CCSER1: variants seen among roughly 807,000 people sequenced by gnomAD.
CCSER1 encodes coiled-coil serine rich protein 1, also known as serine-rich coiled-coil domain-containing protein 1.
In CCSER1, 41 loss-of-function variants were observed where a neutral mutation model predicts 82.0. The observed-to-expected ratio is 0.50, with a 90% confidence interval of 0.39 to 0.65. The LOEUF (loss-of-function observed/expected upper bound fraction) is 0.65. Among genes scored for constraint, CCSER1 ranks in the 30% least tolerant of loss-of-function variants. The pLI, the probability that CCSER1 is intolerant of heterozygous loss-of-function variation, is 0.00. For synonymous variants in CCSER1, 414 were observed against 383.9 expected, an observed-to-expected ratio of 1.08 and a Z score of -0.92; for missense variants, 1,119 against 1,064.2, an observed-to-expected ratio of 1.05 and a Z score of -0.72.
chr4:91,254,345 A>G (rs749466603), intron 10 of CCSER1, among the ~76,000 whole-genome samples: 2 of 152,192 alleles, frequency 1.3e-5, no homozygotes, highest in African/African-American at 2.4e-5. Context: ...TGGTGTATAT[A>G]TGTATACGAT....
intron 1 of CCSER1, among the ~76,000 whole-genome samples, chr4:90,201,002 C>T (rs917167845): frequency 2.6e-5 from 4 of 152,126 alleles, no homozygotes; most frequent in African/African-American, 9.6e-5. Context: ...AAGAGACACT[C>T]CAGAAAGCTT....
intron 10 of CCSER1, among the ~76,000 whole-genome samples, chr4:91,586,791 A>G (rs1764017823): frequency 6.6e-6 from 1 of 151,566 alleles, no homozygotes; most frequent in African/African-American, 2.4e-5. Flanking sequence ...AAGATACGAT[A>G]TTGTTGTTTT....
chr4:91,433,104 T>C (rs1218006950), intron 10 of CCSER1, among the ~76,000 whole-genome samples: 2 of 152,200 alleles, frequency 1.3e-5, no homozygotes, highest in Non-Finnish European at 2.9e-5. Flanking sequence ...ATTATATTGA[T>C]TACCAGTTAT....
intron 10 of CCSER1, among the ~76,000 whole-genome samples, chr4:91,481,387 C>A (rs1221704944): frequency 6.6e-6 from 1 of 151,938 alleles, no homozygotes; most frequent in Non-Finnish European, 1.5e-5. Flanking sequence ...TCTGTAGTTG[C>A]GCATACTTAG....
At chr4:90,983,518 A>T (rs1736309995) in intron 9 of CCSER1, among the ~76,000 whole-genome samples, 2 of 151,662 alleles carry the variant, frequency 1.3e-5, no homozygotes, top group Non-Finnish European at 3.0e-5. Flanking sequence ...TGTTTGTATT[A>T]CTAGAAATAC....
chr4:91,068,425 G>A (rs1721069224), intron 9 of CCSER1, among the ~76,000 whole-genome samples: 1 of 152,086 alleles, frequency 6.6e-6, no homozygotes, highest in South Asian at 2.1e-4. Flanking sequence ...TTATTTTTCT[G>A]TTATGTTTTG....
chr4:91,403,892 A>C (rs1752510210), intron 10 of CCSER1, among the ~76,000 whole-genome samples: 1 of 152,222 alleles, frequency 6.6e-6, no homozygotes, highest in Non-Finnish European at 1.5e-5. Context: ...CATTGATACC[A>C]GGATGATGCT....
At chr4:90,486,120 A>T (rs1056113052) in intron 5 of CCSER1, among the ~76,000 whole-genome samples, 1 of 152,218 alleles carries the variant, frequency 6.6e-6, no homozygotes, top group African/African-American at 2.4e-5. Flanking sequence ...GTCAAATAAA[A>T]CATTCATGGG....
intron 10 of CCSER1, among the ~76,000 whole-genome samples, chr4:91,442,890 C>T (rs1238435045): frequency 6.6e-6 from 1 of 152,150 alleles, no homozygotes; most frequent in Non-Finnish European, 1.5e-5. Flanking sequence ...CATCACTGGC[C>T]GTCAGAGAAA....
chr4:90,595,378 G>A (rs939993967), intron 5 of CCSER1, among the ~76,000 whole-genome samples: 1 of 151,856 alleles, frequency 6.6e-6, no homozygotes, highest in Admixed American at 6.6e-5. Context: ...ATATTTATAT[G>A]TTAATAGTTA....
At chr4:90,698,641 A>T (rs1737431639) in intron 6 of CCSER1, among the ~76,000 whole-genome samples, 1 of 152,206 alleles carries the variant, frequency 6.6e-6, no homozygotes, top group Admixed American at 6.5e-5. Flanking sequence ...TAATGTATTG[A>T]ACCTGAATTT....
At chr4:91,076,542 G>C (rs1003198508) in intron 9 of CCSER1, among the ~76,000 whole-genome samples, 1 of 151,738 alleles carries the variant, frequency 6.6e-6, no homozygotes, top group Non-Finnish European at 1.5e-5. Flanking sequence ...TTAAAATATT[G>C]GTTTAAGTTT....
chr4:90,728,634 A>G (rs974180547), intron 7 of CCSER1, among the ~76,000 whole-genome samples: 1 of 152,216 alleles, frequency 6.6e-6, no homozygotes, highest in East Asian at 1.9e-4. Context: ...CAGGAATTTG[A>G]GCCCAACCTT....
rs577972701 is a variant in CCSER1 at position 91,391,827 on chromosome 4, C to G, written c.2218-206745C>G. ...AGAATGTGTAATCTGCTATGTTGGC[C>G]GTGATCATTTTCATTAAATATTTTT... is the stretch of plus-strand genomic sequence containing the variant. On this transcript the variant is annotated intron_variant, in intron 10 of 10. Transcript: ENST00000509176. Among the ~76,000 whole-genome samples, 34 of 152,052 alleles carry G rather than the reference C, an allele frequency of 2.2e-4. No individual in the cohort carries two copies. In the East Asian group the frequency reaches 5.0e-3, roughly 22 times the overall value.
intron 7 of CCSER1, among the ~76,000 whole-genome samples, chr4:90,726,583 G>A (rs116745651): frequency 0.018 from 2,698 of 152,048 alleles, 63 homozygotes; most frequent in African/African-American, 0.055. Context: ...AACTTTGTTA[G>A]TATTGGAGCC....
intron 10 of CCSER1, among the ~76,000 whole-genome samples, chr4:91,103,610 A>G (rs938243750): frequency 2.6e-5 from 4 of 152,172 alleles, no homozygotes; most frequent in African/African-American, 4.8e-5. Flanking sequence ...ATGGACGTTT[A>G]TCAGTTCCCA....
chr4:90,434,543 A>T (rs538872580), intron 4 of CCSER1, among the ~76,000 whole-genome samples: 2 of 152,296 alleles, frequency 1.3e-5, no homozygotes, highest in Admixed American at 1.3e-4. Context: ...GTTTTAAATG[A>T]TAAGAAGCAG....
At chr4:91,039,454 C>T (rs1021703928) in intron 9 of CCSER1, among the ~76,000 whole-genome samples, 2 of 151,972 alleles carry the variant, frequency 1.3e-5, no homozygotes, top group Non-Finnish European at 2.9e-5. Flanking sequence ...CTCTCCAATA[C>T]CAGTAAATTA....
chr4:91,030,881 C>G (rs1431016323), intron 9 of CCSER1, among the ~76,000 whole-genome samples: 1 of 151,976 alleles, frequency 6.6e-6, no homozygotes, highest in African/African-American at 2.4e-5. Context: ...TATGATCACA[C>G]ATTACTCTGT....
Sources: gnomAD v4.1 joint callset for allele counts (sites outside exome capture counted in the v4.1 genomes callset) on GRCh38, gnomAD v4.1.1 for gene constraint, MANE v1.5 for transcripts, NCBI Gene and HGNC (gene_info 2026-07-23, HGNC 2026-07-21) for gene names.